Variants in TGM6 observed in about 807,000 individuals in gnomAD.
TGM6 encodes the protein transglutaminase 6, also known as protein-glutamine gamma-glutamyltransferase 6.
A neutral mutation model predicts 77.5 loss-of-function variants in TGM6; 74 were observed. The ratio of observed to expected loss-of-function variants is 0.96; its 90% CI spans 0.79 to 1.16. The LOEUF (loss-of-function observed/expected upper bound fraction) is 1.16. TGM6 is among the 50% of genes most tolerant of loss of function. The probability of loss-of-function intolerance (pLI) is 0.00; values close to 1 mark genes in which losing one functional copy is unlikely to be tolerated. For missense variants in TGM6, 968 were observed against 940.2 expected (o/e 1.03, Z -0.39); for synonymous variants, 383 against 378.9 (o/e 1.01, Z -0.12).
chr20:2,425,314 C>T (rs971932840), intron 10 of TGM6, among the ~76,000 whole-genome samples: 2 of 151,346 alleles, frequency 1.3e-5, no homozygotes, highest in Non-Finnish European at 2.9e-5. Flanking sequence ...CACCACTGCA[C>T]TTACAGCCTG....
chr20:2,383,904 G>A (rs778829499), intron 1 of TGM6, among the ~76,000 whole-genome samples: 1 of 151,972 alleles, frequency 6.6e-6, no homozygotes, highest in Non-Finnish European at 1.5e-5. Context: ...TCAGGAGATC[G>A]AGACCATCCT....
chr20:2,420,415 GTTA>G lies in TGM6; in HGVS notation c.1678+2846_1678+2848del, dbSNP rs1185790341. 3.3e-5 allele frequency among the ~76,000 whole-genome samples: 5 copies of G among 152,202 alleles called. No individual in the cohort carries two copies. In the South Asian group the frequency reaches 6.2e-4, roughly 19 times the overall value. On this transcript the variant is annotated intron_variant, in intron 10 of 12. Transcript: ENST00000202625. ...TGTCCACCACCACGCCTCTCCTCCT[GTTA>G]TTAACATCTTGCTTTAGTGTGGTAC...
chr20:2,400,590 C>A, intron 7 of TGM6, 146 bp downstream of exon 7: 1 of 1,165,750 alleles, frequency 8.6e-7, no homozygotes, highest in Non-Finnish European at 1.2e-6. Context: ...GAGTGAGAGG[C>A]GCCCTGCGGA....
intron 9 of TGM6, among the ~76,000 whole-genome samples, chr20:2,414,348 T>G (rs1164945581): frequency 6.6e-6 from 1 of 152,196 alleles, no homozygotes; most frequent in Non-Finnish European, 1.5e-5. Flanking sequence ...AAAATGCATG[T>G]CAAAACCACA....
intron 1 of TGM6, among the ~76,000 whole-genome samples, chr20:2,390,915 G>C (rs886909564): frequency 6.6e-6 from 1 of 151,998 alleles, no homozygotes; most frequent in Non-Finnish European, 1.5e-5. Flanking sequence ...AGAGAAATAA[G>C]GAGATCAGTG....
Position 2,398,032 on chromosome 20 carries a change from G to A in TGM6, c.658G>A (p.Val220Ile), listed in dbSNP as rs145018385. 1 of 1,614,092 alleles carries A rather than the reference G, an allele frequency of 6.2e-7. No homozygotes were observed. Among genetic ancestry groups the A allele is most frequent in the Non-Finnish European group, 8.5e-7 (1 of 1,180,002 alleles). ...CRHNPIYVTR[V>I]ISAMVNSNND... ...CCACAACCCCATCTACGTCACCAGG[G>A]TCATCAGTGCCATGGTGAGAAGCCC... Residue 220 changes from valine to isoleucine, a missense_variant, in exon 5 of 13, where the codon GTC (valine) becomes ATC (isoleucine). Val to Ile is a conservative substitution (Grantham distance 29). Transcript: ENST00000202625.
chr20:2,420,251 AC>A (rs2084847400), intron 10 of TGM6, among the ~76,000 whole-genome samples: 1 of 152,172 alleles, frequency 6.6e-6, no homozygotes, highest in East Asian at 1.9e-4. Flanking sequence ...GTCTAAAAAA[AC>A]AAACAAAAAA....
intron 11 of TGM6, 37 bp from the exon 12 acceptor site, chr20:2,430,857 G>C (rs752259724): frequency 1.2e-6 from 2 of 1,614,080 alleles, no homozygotes; most frequent in African/African-American, 1.3e-5. Context: ...AGGGAGGAGG[G>C]GTAGGCGCGA....
intron 1 of TGM6, among the ~76,000 whole-genome samples, chr20:2,385,746 C>T (rs117720434): frequency 0.011 from 1,707 of 152,256 alleles, 13 homozygotes; most frequent in South Asian, 0.028. Flanking sequence ...GGCCCAAGGA[C>T]GCTGCAGAGC....
intron 9 of TGM6, among the ~76,000 whole-genome samples, chr20:2,407,496 G>C (rs913613682): frequency 6.6e-6 from 1 of 152,178 alleles, no homozygotes; most frequent in African/African-American, 2.4e-5. Context: ...GTGGTTGCCT[G>C]TAGTCCCAGC....
At chr20:2,418,693 C>T (rs2084834792) in intron 10 of TGM6, among the ~76,000 whole-genome samples, 1 of 152,200 alleles carries the variant, frequency 6.6e-6, no homozygotes. Context: ...TAAAATTTAT[C>T]CTTAGTATTT....
intron 9 of TGM6, among the ~76,000 whole-genome samples, chr20:2,413,137 A>C (rs532854478): frequency 6.6e-6 from 1 of 152,332 alleles, no homozygotes; most frequent in South Asian, 2.1e-4. Flanking sequence ...ACAGCCAGGC[A>C]TGGTGGCTTA....
chr20:2,398,156 G>A, intron 5 of TGM6, 110 bp downstream of exon 5: 1 of 1,575,564 alleles, frequency 6.3e-7, no homozygotes. Context: ...ATTCGCTGTT[G>A]TTGCAGAACC....
At position 2,417,559 on chromosome 20, in the gene TGM6, T is replaced by G; in HGVS notation, c.1664T>G (p.Leu555Arg). The change falls in exon 10 of 13, where the codon CTG becomes CGG. Residue 555 changes from leucine to arginine, a missense_variant. Coordinates refer to ENST00000202625, the MANE Select transcript of TGM6 (RefSeq NM_198994.3). The part of the protein sequence containing the change: ...EILHESHAVR[L>R]GPQEEKRIPI... Reference sequence around the variant, plus strand: ...CTGCATGAATCCCACGCCGTGAGGCTGGGGCCGCAAGAAGGTAAGTGTACG... The same window carrying G: ...CTGCATGAATCCCACGCCGTGAGGCGGGGGCCGCAAGAAGGTAAGTGTACG... 2.5e-6 allele frequency: 4 copies of G among 1,601,872 alleles called. No homozygotes were observed. Among genetic ancestry groups the G allele is most frequent in the Non-Finnish European group, 3.4e-6 (4 of 1,179,672 alleles).
At chr20:2,382,106 G>T (rs1410144886) in intron 1 of TGM6, among the ~76,000 whole-genome samples, 1 of 152,102 alleles carries the variant, frequency 6.6e-6, no homozygotes, top group Non-Finnish European at 1.5e-5. Context: ...TAATTGTTCA[G>T]CATTATGTGA....
chr20:2,411,792 G>A (rs555108320), intron 9 of TGM6, among the ~76,000 whole-genome samples: 26 of 152,302 alleles, frequency 1.7e-4, no homozygotes, highest in Admixed American at 7.2e-4. Flanking sequence ...AAATGTGAGA[G>A]CTAAAATTAT....
chr20:2,398,165 C>G, intron 5 of TGM6, 119 bp downstream of exon 5: 1 of 1,525,478 alleles, frequency 6.6e-7, no homozygotes, highest in Admixed American at 1.7e-5. Context: ...TGTTGCAGAA[C>G]CAACCACCCC....
intron 10 of TGM6, among the ~76,000 whole-genome samples, chr20:2,420,209 C>T (rs1037873099): frequency 2.0e-5 from 3 of 152,052 alleles, no homozygotes; most frequent in African/African-American, 7.3e-5. Flanking sequence ...CGCGCCACTG[C>T]ACTCCAGCCT....
chr20:2,432,619 C>A lies in TGM6; in HGVS notation c.2097C>A (p.Ile699=). Residue 699 remains isoleucine (I), a synonymous_variant, in exon 13 of 13, where the codon ATC becomes ATA. Transcript: ENST00000202625. The part of the protein sequence containing the change: ...PHFPDIKGFV[I]VHVATAK The stretch of plus-strand genomic sequence containing the variant: ...TCCCGGACATCAAGGGCTTTGTGAT[C>A]GTCCATGTGGCCACTGCCAAGTGAT... 1 of 1,614,100 alleles carries A rather than the reference C, an allele frequency of 6.2e-7. No homozygotes were observed. The highest frequency in any genetic ancestry group is 8.5e-7 in the Non-Finnish European group (1 of 1,180,002).
Sources: allele counts gnomAD v4.1 joint callset (sites outside exome capture counted in the v4.1 genomes callset), GRCh38; gene constraint gnomAD v4.1.1; transcripts MANE v1.5; gene names NCBI Gene and HGNC (gene_info 2026-07-23, HGNC 2026-07-21).